The following NDRG1 variants were observed in gnomAD, a reference collection of about 807,000 sequenced individuals.
NDRG1 encodes protein NDRG1.
In NDRG1, 32 loss-of-function variants were observed where a neutral mutation model predicts 56.9. The ratio of observed to expected loss-of-function variants is 0.56; its 90% CI spans 0.42 to 0.76. The LOEUF (loss-of-function observed/expected upper bound fraction) is 0.76. Among genes scored for constraint, NDRG1 ranks in the 30% least tolerant of loss-of-function variants. The probability of loss-of-function intolerance (pLI) is 0.00; values close to 1 mark genes in which losing one functional copy is unlikely to be tolerated. For synonymous variants in NDRG1, 211 were observed against 204.1 expected (o/e 1.03, Z -0.29); for missense variants, 507 against 545.7 (o/e 0.93, Z 0.71).
chr8:133,294,848 A>G (rs1342604973), intron 1 of NDRG1, among the ~76,000 whole-genome samples: 1 of 152,166 alleles, frequency 6.6e-6, no homozygotes, highest in East Asian at 1.9e-4. Flanking sequence ...TTCAATGAAG[A>G]TGCAATTTCC....
At chr8:133,261,968 TAA>T in intron 5 of NDRG1, 77 bp downstream of exon 5, 1 of 1,504,610 alleles carries the variant, frequency 6.6e-7, no homozygotes, top group Non-Finnish European at 8.9e-7. Context: ...AAAAAGTATT[TAA>T]AAGAGCAAAG....
chr8:133,249,828 G>T (rs1855911401), intron 10 of NDRG1, among the ~76,000 whole-genome samples: 1 of 152,210 alleles, frequency 6.6e-6, no homozygotes, highest in Non-Finnish European at 1.5e-5. Flanking sequence ...TAAACACTAT[G>T]AGGCTCATTT....
intron 3 of NDRG1, among the ~76,000 whole-genome samples, chr8:133,269,455 A>G (rs372999982): frequency 1.3e-5 from 2 of 152,314 alleles, no homozygotes; most frequent in East Asian, 3.9e-4. Context: ...GGGCAGTAAT[A>G]AACAGCCACT....
chr8:133,272,017 T>C (rs1563633320), intron 3 of NDRG1, among the ~76,000 whole-genome samples: 1 of 152,142 alleles, frequency 6.6e-6, no homozygotes, highest in Non-Finnish European at 1.5e-5. Context: ...TCAAGATAGA[T>C]AGGTCCTTGG....
intron 1 of NDRG1, among the ~76,000 whole-genome samples, chr8:133,285,726 G>T (rs1447622459): frequency 6.6e-6 from 1 of 152,204 alleles, no homozygotes; most frequent in African/African-American, 2.4e-5. Flanking sequence ...TAGATAACCA[G>T]CCCCACAAGA....
In NDRG1 at chr8:133,239,519, T is replaced by C. The variant is rs141106847; in HGVS notation, c.944-400A>G. ...ATGACCCCATGCTGTCCATGATCAC[T>C]GGAGCAGGGAGGACACCTGGGGTCA... is the stretch of plus-strand genomic sequence containing the variant. On this transcript the variant is annotated intron_variant, in intron 15 of 15. Transcript: ENST00000323851. 4.7e-5 allele frequency: 14 copies of C among 296,394 alleles called. No homozygotes were observed. In the East Asian group the frequency reaches 8.5e-4, roughly 18 times the overall value. The allele number at this position is 296,394 out of a possible 1,614,324, so 18.4% of individuals were successfully genotyped here.
At chr8:133,295,122 C>T (rs756543833) in intron 1 of NDRG1, among the ~76,000 whole-genome samples, 7 of 152,218 alleles carry the variant, frequency 4.6e-5, no homozygotes, top group Non-Finnish European at 8.8e-5. Flanking sequence ...CAAACAGACA[C>T]TCCAGGATCC....
chr8:133,243,667 G>C (rs932226663), intron 14 of NDRG1, among the ~76,000 whole-genome samples: 2 of 151,960 alleles, frequency 1.3e-5, no homozygotes, highest in African/African-American at 4.8e-5. Flanking sequence ...ATTTTAAGTA[G>C]AGAAAGAAAA....
At chr8:133,291,886 A>ACTG (rs1404431129) in intron 1 of NDRG1, among the ~76,000 whole-genome samples, 1 of 152,154 alleles carries the variant, frequency 6.6e-6, no homozygotes, top group African/African-American at 2.4e-5. Context: ...CTGAAACTGA[A>ACTG]CTGCTGTGTG....
At chr8:133,284,762 A>G (rs987917890) in intron 1 of NDRG1, 5 of 458,714 alleles carry the variant, frequency 1.1e-5, no homozygotes, top group Non-Finnish European at 2.2e-5. Flanking sequence ...CTTACCACGT[A>G]TAGGCATAGT....
At chr8:133,269,487 T>C (rs565710657) in intron 3 of NDRG1, among the ~76,000 whole-genome samples, 1 of 152,314 alleles carries the variant, frequency 6.6e-6, no homozygotes, top group East Asian at 1.9e-4. Context: ...CATGCCTGCT[T>C]TGAGTTTCTC....
intron 3 of NDRG1, among the ~76,000 whole-genome samples, chr8:133,265,210 T>C (rs1348968111): frequency 3.3e-5 from 5 of 152,172 alleles, no homozygotes; most frequent in Non-Finnish European, 5.9e-5. Flanking sequence ...CACCTCCCAG[T>C]TGCAAGGACT....
In NDRG1 at chr8:133,250,103, C is replaced by T. The variant is rs975808967; in HGVS notation, c.698+337G>A. Among the ~76,000 whole-genome samples, 6 of 152,362 alleles carry T rather than the reference C, an allele frequency of 3.9e-5. No homozygotes were observed. The Middle Eastern group carries it at 0.014, about 345-fold the overall frequency. On this transcript the variant is annotated intron_variant, in intron 10 of 15. Coordinates refer to ENST00000323851, the MANE Select transcript of NDRG1 (RefSeq NM_006096.4). ...CCAGGAGTGCTTTGCTGCTCTCTCA[C>T]TTAGCTCTTCTTACATTTGGCCTTT...
chr8:133,283,763 T>A (rs1340629745), intron 2 of NDRG1, among the ~76,000 whole-genome samples: 1 of 152,222 alleles, frequency 6.6e-6, no homozygotes, highest in Non-Finnish European at 1.5e-5. Context: ...AGCTGCAAAG[T>A]GTCACAGCTG....
chr8:133,247,922 G>A lies in NDRG1; in HGVS notation c.760C>T (p.Pro254Ser), dbSNP rs148821566. ...CTGTCCCCAACCACCAACAGAGCAG[G>A]GCACCTGGGGTCAGGGATAGAGCAG... ...PGTHTVTLQC[P>S]ALLVVGDSSP... The change falls in exon 12 of 16, where the codon CCT becomes TCT. Residue 254 changes from proline (P) to serine (S), a missense_variant. By Grantham distance (74) the Pro-to-Ser change is moderately conservative. Transcript: ENST00000323851. 6.2e-7 allele frequency: 1 copy of A among 1,614,040 alleles called. No individual in the cohort carries two copies. The highest frequency in any genetic ancestry group is 1.3e-5 in the African/African-American group (1 of 75,042).
At chr8:133,294,676 G>T (rs113264525) in intron 1 of NDRG1, among the ~76,000 whole-genome samples, 9 of 122,638 alleles carry the variant, frequency 7.3e-5, no homozygotes, top group Middle Eastern at 4.3e-3. Flanking sequence ...TGTCATGGGG[G>T]GGGGGCAGCC....
chr8:133,291,327 T>C (rs1303017828), intron 1 of NDRG1, among the ~76,000 whole-genome samples: 1 of 152,112 alleles, frequency 6.6e-6, no homozygotes, highest in African/African-American at 2.4e-5. Flanking sequence ...CCCCAGAAAA[T>C]TGCCGAGAAC....
intron 3 of NDRG1, among the ~76,000 whole-genome samples, chr8:133,273,356 G>A (rs1032809989): frequency 2.0e-5 from 3 of 152,188 alleles, no homozygotes; most frequent in East Asian, 1.9e-4. Flanking sequence ...CCCAAAACTC[G>A]TTAAATGAAC....
chr8:133,267,528 G>T (rs1201033694), intron 3 of NDRG1, among the ~76,000 whole-genome samples: 1 of 152,172 alleles, frequency 6.6e-6, no homozygotes, highest in African/African-American at 2.4e-5. Context: ...CCCATAACAG[G>T]CACTGGAAAA....
Sources: gnomAD v4.1 joint callset for allele counts (sites outside exome capture counted in the v4.1 genomes callset) on GRCh38, gnomAD v4.1.1 for gene constraint, MANE v1.5 for transcripts, NCBI Gene and HGNC (gene_info 2026-07-23, HGNC 2026-07-21) for gene names.